The following CSGALNACT1 variants were observed in gnomAD, a reference collection of about 807,000 sequenced individuals.
CSGALNACT1 encodes beta4GalNAcT-1.
Under a neutral mutation model 51.0 loss-of-function variants are expected in CSGALNACT1, and 52 were observed. The ratio of observed to expected loss-of-function variants is 1.02; its 90% CI spans 0.82 to 1.29. CSGALNACT1 has a LOEUF of 1.29. CSGALNACT1 is among the 50% of genes most tolerant of loss of function. The pLI is 0.00. For missense variants in CSGALNACT1, 935 were observed against 679.2 expected, an observed-to-expected ratio of 1.38 and a Z score of -4.19; for synonymous variants, 341 against 254.4, an observed-to-expected ratio of 1.34 and a Z score of -3.24.
chr8:19,722,568 T>C (rs2063183975), intron 1 of CSGALNACT1, among the ~76,000 whole-genome samples: 1 of 152,036 alleles, frequency 6.6e-6, no homozygotes, highest in African/African-American at 2.4e-5. Flanking sequence ...CAGCCTAGGG[T>C]CATGGGTGGT....
At chr8:19,704,080 A>G (rs1235377540) in intron 1 of CSGALNACT1, among the ~76,000 whole-genome samples, 1 of 152,240 alleles carries the variant, frequency 6.6e-6, no homozygotes, top group Admixed American at 6.5e-5. Context: ...AATGAATGAA[A>G]GAATGAGAAT....
chr8:19,689,598 A>T (rs2061174352), intron 1 of CSGALNACT1, among the ~76,000 whole-genome samples: 1 of 152,210 alleles, frequency 6.6e-6, no homozygotes, highest in Non-Finnish European at 1.5e-5. Context: ...TATGAGAAAG[A>T]TGCTGAGAAT....
At chr8:19,464,760 C>A (rs2066297124) in intron 4 of CSGALNACT1, among the ~76,000 whole-genome samples, 1 of 152,160 alleles carries the variant, frequency 6.6e-6, no homozygotes, top group Non-Finnish European at 1.5e-5. Context: ...GTAACAGTTT[C>A]ATCCCAAAAC....
chr8:19,561,652 G>A (rs1321802690), intron 3 of CSGALNACT1, among the ~76,000 whole-genome samples: 1 of 152,226 alleles, frequency 6.6e-6, no homozygotes, highest in African/African-American at 2.4e-5. Context: ...GGGAAAACAA[G>A]TACATGGCAG....
chr8:19,755,481 A>AAAAAAAAAAAAAACAAAAAAG (rs2065309492), intron 1 of CSGALNACT1, among the ~76,000 whole-genome samples: 1 of 142,476 alleles, frequency 7.0e-6, no homozygotes, highest in Non-Finnish European at 1.5e-5. Context: ...AAAAAAAAAA[A>AAAAAAAAAAAAAACAAAAAAG]GACAACATTT....
intron 4 of CSGALNACT1, among the ~76,000 whole-genome samples, chr8:19,489,602 A>G (rs1359522020): frequency 1.3e-5 from 2 of 152,192 alleles, no homozygotes; most frequent in Non-Finnish European, 2.9e-5. Flanking sequence ...GGTATGAGAA[A>G]GGGTCCCTCA....
At chr8:19,550,287 T>G (rs1208568495) in intron 3 of CSGALNACT1, among the ~76,000 whole-genome samples, 1 of 152,146 alleles carries the variant, frequency 6.6e-6, no homozygotes, top group Non-Finnish European at 1.5e-5. Flanking sequence ...CACCTGTCTG[T>G]GAAACTCATT....
At chr8:19,707,370 T>C (rs1042674157) in intron 1 of CSGALNACT1, among the ~76,000 whole-genome samples, 1 of 152,232 alleles carries the variant, frequency 6.6e-6, no homozygotes, top group Admixed American at 6.5e-5. Flanking sequence ...TCTTTACTAG[T>C]TATTTCTGAT....
At chr8:19,560,176 T>G (rs1007141924) in intron 3 of CSGALNACT1, among the ~76,000 whole-genome samples, 1 of 152,186 alleles carries the variant, frequency 6.6e-6, no homozygotes, top group African/African-American at 2.4e-5. Flanking sequence ...TTTCACTAAA[T>G]GGAACTAGAG....
intron 3 of CSGALNACT1, among the ~76,000 whole-genome samples, 166 bp from the exon 3 acceptor site, chr8:19,506,296 T>A (rs575952351): frequency 2.0e-5 from 3 of 152,260 alleles, no homozygotes; most frequent in African/African-American, 7.2e-5. Context: ...CAAACGCACA[T>A]CTGCAGTGTA....
At chr8:19,640,281 A>G (rs1399514657) in intron 1 of CSGALNACT1, among the ~76,000 whole-genome samples, 1 of 152,214 alleles carries the variant, frequency 6.6e-6, no homozygotes, top group African/African-American at 2.4e-5. Flanking sequence ...GTACATTTAC[A>G]TATATTACAC....
chr8:19,413,521 G>C (rs12679712), intron 8 of CSGALNACT1, among the ~76,000 whole-genome samples: 70,858 of 152,132 alleles, frequency 0.47, 17,971 homozygotes, highest in East Asian at 0.83. Context: ...GGTATTCAGC[G>C]GGTGTATGTT....
chr8:19,618,940 T>C (rs1219837045), intron 1 of CSGALNACT1, among the ~76,000 whole-genome samples: 1 of 152,000 alleles, frequency 6.6e-6, no homozygotes, highest in African/African-American at 2.4e-5. Context: ...GGAGGGCAGG[T>C]GATAAAACAG....
intron 1 of CSGALNACT1, among the ~76,000 whole-genome samples, chr8:19,689,880 CT>C (rs1262102024): frequency 2.0e-5 from 3 of 152,196 alleles, no homozygotes; most frequent in Non-Finnish European, 2.9e-5. Flanking sequence ...TAACAATCTG[CT>C]TTTTTGCGCT....
intron 1 of CSGALNACT1, among the ~76,000 whole-genome samples, chr8:19,722,789 T>C (rs1254707224): frequency 6.6e-6 from 1 of 152,154 alleles, no homozygotes; most frequent in Non-Finnish European, 1.5e-5. Flanking sequence ...AGCTCCTCTT[T>C]TGCAATAGGA....
At chr8:19,417,231 C>T (rs6980861) in intron 8 of CSGALNACT1, among the ~76,000 whole-genome samples, 42,429 of 152,010 alleles carry the variant, frequency 0.28, 6,192 homozygotes, top group Middle Eastern at 0.37. Context: ...ACTACAAAAA[C>T]AGATACACAG....
intron 1 of CSGALNACT1, among the ~76,000 whole-genome samples, chr8:19,664,597 G>C (rs1229383028): frequency 6.6e-6 from 1 of 151,988 alleles, no homozygotes; most frequent in Non-Finnish European, 1.5e-5. Flanking sequence ...ACCAACGTAT[G>C]CTTAAAGAAA....
At chr8:19,698,122 G>T (rs1018917880) in intron 1 of CSGALNACT1, among the ~76,000 whole-genome samples, 4 of 152,180 alleles carry the variant, frequency 2.6e-5, no homozygotes, top group African/African-American at 9.7e-5. Context: ...GCAGGGAGAA[G>T]TCACTGGACA....
chr8:19,531,170 C>G (rs1177021018), intron 3 of CSGALNACT1, among the ~76,000 whole-genome samples: 1 of 152,186 alleles, frequency 6.6e-6, no homozygotes, highest in Non-Finnish European at 1.5e-5. Context: ...TTTTCTAAAT[C>G]CTCATGACAT....
Sources: allele counts gnomAD v4.1 joint callset (sites outside exome capture counted in the v4.1 genomes callset), GRCh38; gene constraint gnomAD v4.1.1; transcripts MANE v1.5; gene names NCBI Gene and HGNC (gene_info 2026-07-23, HGNC 2026-07-21).